The following WASHC3 variants were observed in gnomAD, a reference collection of about 807,000 sequenced individuals.
The protein encoded by WASHC3 is WASH complex subunit CCDC53.
WASHC3 carries 24 observed loss-of-function variants against 26.1 expected under a neutral mutation model. The observed-to-expected ratio is 0.92, with a 90% CI of 0.66 to 1.29. The LOEUF is 1.29. Among genes scored for constraint, WASHC3 ranks in the 50% most tolerant of loss-of-function variants. WASHC3 has a pLI of 0.00. For synonymous variants in WASHC3, 77 were observed against 75.7 expected, an observed-to-expected ratio of 1.02 and a Z score of -0.09; for missense variants, 214 against 229.6, an observed-to-expected ratio of 0.93 and a Z score of 0.44.
At chr12:102,056,011 C>T (rs1270350279) in intron 2 of WASHC3, among the ~76,000 whole-genome samples, 1 of 152,198 alleles carries the variant, frequency 6.6e-6, no homozygotes, top group Non-Finnish European at 1.5e-5. Context: ...TCAAGCAGGT[C>T]AGTTTTAGGA....
chr12:102,036,343 CAA>C (rs1420633506), intron 5 of WASHC3, among the ~76,000 whole-genome samples: 2 of 102,312 alleles, frequency 2.0e-5, no homozygotes, highest in African/African-American at 8.0e-5. Flanking sequence ...GCCTGGGTGA[CAA>C]GAGAGAGACT....
chr12:102,027,289 TTATA>T (rs1877237696), intron 5 of WASHC3, among the ~76,000 whole-genome samples: 1 of 152,168 alleles, frequency 6.6e-6, no homozygotes, highest in Admixed American at 6.6e-5. Context: ...ACACAAATCT[TTATA>T]TAACCTATCA....
chr12:102,013,186 T>G lies in WASHC3; in HGVS notation c.507A>C (p.Pro169=). ...TTTCGCCATCAGGCACTGGAGCATC[T>G]GGCCTCCTAAAAGAAAAGAAAAAAA... The part of the protein sequence containing the change: ...EGLDPDLLER[P]DAPVPDGESE... Residue 169 remains proline, a synonymous_variant, in exon 7 of 7, where the codon CCA becomes CCC. Transcript: ENST00000240079. The G allele has an allele frequency of 6.6e-7, 1 of 1,517,036 alleles. No homozygotes were observed. The highest frequency in any genetic ancestry group is 9.0e-7 in the Non-Finnish European group (1 of 1,116,464). 94.0% of individuals were successfully genotyped at this position (1,517,036 alleles called of 1,614,324 possible).
intron 4 of WASHC3, among the ~76,000 whole-genome samples, chr12:102,042,782 A>G (rs1221488094): frequency 1.3e-5 from 2 of 152,218 alleles, no homozygotes; most frequent in Non-Finnish European, 2.9e-5. Flanking sequence ...GTACAAAGGC[A>G]GAATTCCATT....
intron 5 of WASHC3, 117 bp downstream of exon 5, chr12:102,039,751 A>G (rs894324906): frequency 2.1e-6 from 1 of 486,710 alleles, no homozygotes; most frequent in Admixed American, 3.3e-5. Context: ...GAGAATAGAA[A>G]ACTTGGTTAC....
chr12:102,024,536 C>G (rs1877093486), intron 6 of WASHC3, among the ~76,000 whole-genome samples: 1 of 152,144 alleles, frequency 6.6e-6, no homozygotes, highest in East Asian at 1.9e-4. Flanking sequence ...GTGCAGGTAG[C>G]TGGCTGAAGT....
intron 6 of WASHC3, among the ~76,000 whole-genome samples, chr12:102,016,170 G>A (rs1045097864): frequency 2.6e-5 from 4 of 151,906 alleles, no homozygotes; most frequent in African/African-American, 9.7e-5. Context: ...GATTACAGGC[G>A]TGAGCCACAG....
chr12:102,050,082 C>T (rs1023857563), intron 2 of WASHC3: 3 of 215,086 alleles, frequency 1.4e-5, no homozygotes, highest in Admixed American at 1.2e-4. Context: ...CTTTGGGAGG[C>T]CGAAGCAGGC....
intron 2 of WASHC3, among the ~76,000 whole-genome samples, chr12:102,058,274 C>T (rs757607588): frequency 1.3e-5 from 2 of 152,010 alleles, no homozygotes; most frequent in African/African-American, 2.4e-5. Flanking sequence ...GAAAAGGATT[C>T]AAGATTTAAA....
chr12:102,040,628 CAATAAAG>C (rs1877900031), intron 4 of WASHC3, among the ~76,000 whole-genome samples: 1 of 151,982 alleles, frequency 6.6e-6, no homozygotes, highest in Non-Finnish European at 1.5e-5. Flanking sequence ...ATATGACTTA[CAATAAAG>C]AATACTGGGG....
Position 102,039,976 on chromosome 12 carries a change from C to G in WASHC3, c.327G>C (p.Gln109His), listed in dbSNP as rs1247461265. ...GTAGTCCAGAGTCTTGTGTACTGTT[C>G]TGCTGTAGAGAGTATTTGGTGTAAA... is the stretch of plus-strand genomic sequence containing the variant. ...HPEATSEQPQ[Q>H]NSTQDSGLQE... Residue 109 changes from glutamine to histidine, a missense_variant and splice_region_variant, in exon 5 of 7, where the codon CAG (glutamine) becomes CAC (histidine). Coordinates refer to ENST00000240079, the MANE Select transcript of WASHC3 (RefSeq NM_016053.4). The G allele has an allele frequency of 2.0e-6, 3 of 1,482,290 alleles. No homozygotes were observed. The highest frequency in any genetic ancestry group is 1.7e-4 in the Middle Eastern group (1 of 5,788). 91.8% of individuals were successfully genotyped at this position (1,482,290 alleles called of 1,614,324 possible). A position where few individuals can be genotyped will look rare whatever the true frequency, so the allele number is the denominator to read the frequency against.
intron 2 of WASHC3, among the ~76,000 whole-genome samples, chr12:102,059,237 T>C (rs1425768118): frequency 2.6e-5 from 4 of 152,342 alleles, no homozygotes; most frequent in African/African-American, 7.2e-5. Flanking sequence ...GCATTGCTTA[T>C]GTTAAATAGC....
intron 2 of WASHC3, 74 bp downstream of exon 2, chr12:102,061,174 T>C (rs1878793955): frequency 1.1e-6 from 1 of 951,688 alleles, no homozygotes; most frequent in Non-Finnish European, 1.7e-6. Flanking sequence ...AATTCTTGTT[T>C]TACTCCATTT....
chr12:102,030,527 T>TA (rs961012523), intron 5 of WASHC3, among the ~76,000 whole-genome samples: 148 of 151,860 alleles, frequency 9.7e-4, no homozygotes, highest in African/African-American at 3.5e-3. Context: ...TACGGCTACC[T>TA]AAAAAAAATG....
intron 6 of WASHC3, among the ~76,000 whole-genome samples, chr12:102,014,819 A>G (rs1876629071): frequency 6.6e-6 from 1 of 152,204 alleles, no homozygotes; most frequent in South Asian, 2.1e-4. Flanking sequence ...AGTGGGTATG[A>G]ATACTAGGCA....
intron 6 of WASHC3, among the ~76,000 whole-genome samples, chr12:102,018,783 ATTAT>A (rs894490957): frequency 6.6e-6 from 1 of 151,730 alleles, no homozygotes; most frequent in Non-Finnish European, 1.5e-5. Flanking sequence ...CATTCATTTT[ATTAT>A]TTATTTATTT....
At chr12:102,041,073 A>G (rs949752815) in intron 4 of WASHC3, among the ~76,000 whole-genome samples, 1 of 151,846 alleles carries the variant, frequency 6.6e-6, no homozygotes, top group Admixed American at 6.6e-5. Context: ...CTTCTGTTAC[A>G]TGATATTGCT....
At chr12:102,043,089 T>C (rs1878007041) in intron 4 of WASHC3, among the ~76,000 whole-genome samples, 2 of 152,116 alleles carry the variant, frequency 1.3e-5, no homozygotes, top group South Asian at 4.1e-4. Flanking sequence ...AGCTCTCAAA[T>C]TTTAAGAGCC....
intron 2 of WASHC3, 68 bp from the exon 3 acceptor site, chr12:102,046,187 G>T: frequency 1.2e-6 from 1 of 838,438 alleles, no homozygotes; most frequent in Non-Finnish European, 1.9e-6. Flanking sequence ...ACTAAGGGCA[G>T]ATATGAAAAT....
Sources: gnomAD v4.1 joint callset for allele counts (sites outside exome capture counted in the v4.1 genomes callset) on GRCh38, gnomAD v4.1.1 for gene constraint, MANE v1.5 for transcripts, NCBI Gene and HGNC (gene_info 2026-07-23, HGNC 2026-07-21) for gene names.